The following SLC35F1 variants were observed in gnomAD, a reference collection of about 807,000 sequenced individuals.
The protein encoded by SLC35F1 is chromosome 6 open reading frame 169.
Under a neutral mutation model 48.7 loss-of-function variants are expected in SLC35F1, and 14 were observed. That is an observed-to-expected ratio of 0.29 (90% CI 0.19 to 0.45). SLC35F1 has a LOEUF of 0.45. Among genes scored for constraint, SLC35F1 ranks in the 20% least tolerant of loss-of-function variants. The pLI, the probability that SLC35F1 is intolerant of heterozygous loss-of-function variation, is 1.00. For missense variants in SLC35F1, 404 were observed against 500.0 expected, an observed-to-expected ratio of 0.81 and a Z score of 1.83; for synonymous variants, 190 against 202.2, an observed-to-expected ratio of 0.94 and a Z score of 0.51.
chr6:117,919,077 T>C (rs889515772), intron 1 of SLC35F1, among the ~76,000 whole-genome samples: 2 of 152,018 alleles, frequency 1.3e-5, no homozygotes, highest in African/African-American at 4.8e-5. Flanking sequence ...TAATTTTTTT[T>C]TGTAGAGATG....
chr6:118,275,661 G>C, intron 5 of SLC35F1, 46 bp downstream of exon 5: 2 of 1,564,944 alleles, frequency 1.3e-6, no homozygotes, highest in East Asian at 4.6e-5. Flanking sequence ...GGACTGTCAA[G>C]ACTTATTCTT....
chr6:118,024,564 C>T (rs1275536482), intron 1 of SLC35F1, among the ~76,000 whole-genome samples: 1 of 152,004 alleles, frequency 6.6e-6, no homozygotes, highest in Non-Finnish European at 1.5e-5. Flanking sequence ...TGTTTCAGGT[C>T]TTCAGTCATA....
At chr6:117,924,938 G>A (rs1013762798) in intron 1 of SLC35F1, among the ~76,000 whole-genome samples, 6 of 152,090 alleles carry the variant, frequency 3.9e-5, no homozygotes, top group African/African-American at 1.4e-4. Flanking sequence ...AGAAGAAGAT[G>A]ATTAGCTTGA....
intron 3 of SLC35F1, among the ~76,000 whole-genome samples, chr6:118,238,006 ATTGT>A (rs1427400405): frequency 6.6e-6 from 1 of 152,128 alleles, no homozygotes; most frequent in East Asian, 1.9e-4. Flanking sequence ...AGAAAAAAAC[ATTGT>A]TTCTTTCCTT....
chr6:118,067,059 A>C (rs1423364963), intron 1 of SLC35F1, among the ~76,000 whole-genome samples: 3 of 152,202 alleles, frequency 2.0e-5, no homozygotes, highest in Admixed American at 6.5e-5. Flanking sequence ...ACAGAGGAGA[A>C]GCTCTAAAGC....
intron 1 of SLC35F1, among the ~76,000 whole-genome samples, chr6:118,013,391 AT>A (rs1233403234): frequency 6.6e-6 from 1 of 152,138 alleles, no homozygotes; most frequent in East Asian, 1.9e-4. Context: ...CATAATTTCT[AT>A]TTAGTCTGAA....
intron 1 of SLC35F1, among the ~76,000 whole-genome samples, chr6:118,149,815 C>T (rs952477345): frequency 3.9e-5 from 6 of 152,106 alleles, no homozygotes; most frequent in Non-Finnish European, 8.8e-5. Context: ...TTGTATTGAC[C>T]TCTTGTTGAA....
chr6:118,110,269 T>C (rs1003760338), intron 1 of SLC35F1, among the ~76,000 whole-genome samples: 3 of 151,894 alleles, frequency 2.0e-5, no homozygotes, highest in African/African-American at 7.3e-5. Flanking sequence ...CAGCAGAAAA[T>C]GCTGCCCTGA....
chr6:117,907,657 C>A lies in SLC35F1; in HGVS notation c.-70C>A. On this transcript the variant is annotated 5_prime_UTR_variant, in exon 1 of 8. Coordinates refer to ENST00000360388, the MANE Select transcript of SLC35F1 (RefSeq NM_001029858.4). ...CCCGGCCGGGTCCTCTGCGCGTTCC[C>A]GGGCCCGGAACCGGCACACGATGCA... is the stretch of plus-strand genomic sequence containing the variant. The A allele has an allele frequency of 2.1e-6, 2 of 963,076 alleles. No homozygotes were observed. Among genetic ancestry groups the A allele is most frequent in the South Asian group, 2.0e-5 (1 of 48,880 alleles). The allele number at this position is 963,076 out of a possible 1,614,324, so 59.7% of individuals were successfully genotyped here.
At chr6:118,113,515 A>G (rs778539351) in intron 1 of SLC35F1, among the ~76,000 whole-genome samples, 5 of 152,170 alleles carry the variant, frequency 3.3e-5, no homozygotes, top group Non-Finnish European at 5.9e-5. Context: ...ATATTTCTGT[A>G]CTTTCTATTC....
chr6:118,113,516 CT>C (rs1773438098), intron 1 of SLC35F1, among the ~76,000 whole-genome samples: 1 of 152,232 alleles, frequency 6.6e-6, no homozygotes, highest in African/African-American at 2.4e-5. Flanking sequence ...TATTTCTGTA[CT>C]TTCTATTCAC....
intron 1 of SLC35F1, among the ~76,000 whole-genome samples, chr6:118,129,237 T>TA (rs1487916065): frequency 6.6e-6 from 1 of 152,146 alleles, no homozygotes; most frequent in Non-Finnish European, 1.5e-5. Flanking sequence ...TAGTAGAGAA[T>TA]AATGATAATA....
chr6:118,305,200 A>G (rs1776298968), intron 7 of SLC35F1, among the ~76,000 whole-genome samples: 1 of 151,170 alleles, frequency 6.6e-6, no homozygotes, highest in South Asian at 2.1e-4. Flanking sequence ...AAATCCAGGA[A>G]AAAAGTTGTC....
chr6:118,139,275 G>C (rs1475372652), intron 1 of SLC35F1, among the ~76,000 whole-genome samples: 1 of 151,986 alleles, frequency 6.6e-6, no homozygotes, highest in Non-Finnish European at 1.5e-5. Flanking sequence ...ACCATGCCCG[G>C]CTAATTTTTT....
intron 2 of SLC35F1, among the ~76,000 whole-genome samples, chr6:118,202,726 A>G (rs143506304): frequency 7.1e-4 from 108 of 152,308 alleles, no homozygotes; most frequent in African/African-American, 2.5e-3. Context: ...AAACAAATAC[A>G]ATAGGTGATT....
intron 1 of SLC35F1, among the ~76,000 whole-genome samples, chr6:118,127,177 G>C: frequency 6.6e-6 from 1 of 151,540 alleles, no homozygotes; most frequent in East Asian, 1.9e-4. Context: ...TTTATTGAGA[G>C]TTTTTAGCAT....
At chr6:117,918,939 AG>A (rs1448661235) in intron 1 of SLC35F1, among the ~76,000 whole-genome samples, 1 of 152,180 alleles carries the variant, frequency 6.6e-6, no homozygotes, top group Non-Finnish European at 1.5e-5. Context: ...GCCATCATCC[AG>A]GCTGGAGTGC....
chr6:118,162,650 C>CA (rs1482577689), intron 2 of SLC35F1, among the ~76,000 whole-genome samples: 3 of 152,136 alleles, frequency 2.0e-5, no homozygotes, highest in African/African-American at 7.2e-5. Context: ...GCAGCTATTC[C>CA]CTCAGTCGCT....
chr6:118,083,505 T>A (rs916261147), intron 1 of SLC35F1, among the ~76,000 whole-genome samples: 1 of 152,180 alleles, frequency 6.6e-6, no homozygotes, highest in African/African-American at 2.4e-5. Flanking sequence ...AATTTGTCAT[T>A]CAAAATTCAT....
Sources: gnomAD v4.1 joint callset for allele counts (sites outside exome capture counted in the v4.1 genomes callset) on GRCh38, gnomAD v4.1.1 for gene constraint, MANE v1.5 for transcripts, NCBI Gene and HGNC (gene_info 2026-07-23, HGNC 2026-07-21) for gene names.